PIK3C2A: variants seen among roughly 807,000 people sequenced by gnomAD.
PIK3C2A encodes phosphatidylinositol-4-phosphate 3-kinase catalytic subunit type 2 alpha, also known as phosphatidylinositol 4-phosphate 3-kinase C2 domain-containing subunit alpha.
Under a neutral mutation model 204.5 loss-of-function variants are expected in PIK3C2A, and 97 were observed. That is an observed-to-expected ratio of 0.47 (90% CI 0.40 to 0.56). The LOEUF is 0.56. Among genes scored for constraint, PIK3C2A ranks in the 20% least tolerant of loss-of-function variants. The pLI is 0.00. For synonymous variants in PIK3C2A, 653 were observed against 664.4 expected (o/e 0.98, Z 0.26); for missense variants, 1,735 against 1,969.2 (o/e 0.88, Z 2.25).
At chr11:17,174,369 C>CCT (rs771893426) in intron 1 of PIK3C2A, among the ~76,000 whole-genome samples, 1,923 of 72,980 alleles carry the variant, frequency 0.026, 14 homozygotes, top group East Asian at 0.035. Flanking sequence ...GGGCGGATCA[C>CCT]GAGGTCAGGA....
intron 1 of PIK3C2A, among the ~76,000 whole-genome samples, chr11:17,201,404 G>A (rs11825018): frequency 0.15 from 22,450 of 150,622 alleles, 2,695 homozygotes; most frequent in African/African-American, 0.33. Context: ...ACGTGTGCCT[G>A]TAATCCCAGC....
intron 24 of PIK3C2A, among the ~76,000 whole-genome samples, 155 bp from the exon 25 acceptor site, chr11:17,101,589 A>G (rs1012468947): frequency 6.6e-6 from 1 of 151,974 alleles, no homozygotes; most frequent in Non-Finnish European, 1.5e-5. Context: ...TTTTAAAATA[A>G]CATTTTTCTT....
intron 26 of PIK3C2A, among the ~76,000 whole-genome samples, chr11:17,098,346 A>G (rs768626091): frequency 4.6e-5 from 7 of 152,232 alleles, no homozygotes; most frequent in Non-Finnish European, 1.0e-4. Context: ...TGTCCGTCTA[A>G]GAAGAGATGA....
chr11:17,181,637 TATATATATATATATATATATATAC>T (rs1851563986), intron 1 of PIK3C2A, among the ~76,000 whole-genome samples: 1 of 3,014 alleles, frequency 3.3e-4, no homozygotes, highest in African/African-American at 4.7e-4. Flanking sequence ...TATATATATA[TATATATATATATATATATATATAC>T]ACACACACAC....
At chr11:17,090,647 G>A (rs1848281261) in intron 32 of PIK3C2A, among the ~76,000 whole-genome samples, 1 of 151,988 alleles carries the variant, frequency 6.6e-6, no homozygotes, top group Non-Finnish European at 1.5e-5. Flanking sequence ...GTCTATGAGG[G>A]CTCTATTTTA....
chr11:17,181,655 T>TACACAC (rs1851567427), intron 1 of PIK3C2A, among the ~76,000 whole-genome samples: 1 of 107,768 alleles, frequency 9.3e-6, no homozygotes, highest in East Asian at 3.4e-4. Context: ...TATATATATA[T>TACACAC]ATATACACAC....
In PIK3C2A at chr11:17,112,697, G is replaced by C. The variant is rs200530356; in HGVS notation, c.3322-31C>G. ...AATACAACATGTTAAGCATTAGAAA[G>C]ATAAATGAAAATGGATTTAGAATTT... is the stretch of plus-strand genomic sequence containing the variant. On this transcript the variant is annotated intron_variant, in intron 20 of 32. Transcript: ENST00000691414. 1.7e-4 allele frequency: 201 copies of C among 1,166,768 alleles called. 1 individual carries two copies. The highest frequency in any genetic ancestry group is 6.3e-4 in the Admixed American group (25 of 39,684). The allele number at this position is 1,166,768 out of a possible 1,614,324, so 72.3% of individuals were successfully genotyped here. A position where few individuals can be genotyped will look rare whatever the true frequency, so the allele number is the denominator to read the frequency against.
chr11:17,147,331 CTA>C (rs1427362490), intron 6 of PIK3C2A, among the ~76,000 whole-genome samples, 184 bp downstream of exon 6: 2 of 152,178 alleles, frequency 1.3e-5, no homozygotes, highest in Non-Finnish European at 2.9e-5. Context: ...CCTCTAAGGA[CTA>C]TGTTACCTAA....
At chr11:17,110,324 AAAC>A in intron 22 of PIK3C2A, 105 bp downstream of exon 22, 1 of 751,980 alleles carries the variant, frequency 1.3e-6, no homozygotes, top group Non-Finnish European at 2.1e-6. Flanking sequence ...TTAAAATAAG[AAAC>A]AACTGTGATA....
chr11:17,152,469 T>C (rs1375418710), intron 3 of PIK3C2A, among the ~76,000 whole-genome samples: 2 of 152,140 alleles, frequency 1.3e-5, no homozygotes, highest in South Asian at 2.1e-4. Flanking sequence ...CATTTAAACA[T>C]ACAAAATCAA....
chr11:17,180,410 T>G lies in PIK3C2A; in HGVS notation c.-65-10604A>C, dbSNP rs371442756. 3.4e-4 allele frequency among the ~76,000 whole-genome samples: 51 copies of G among 151,606 alleles called. 1 individual carries two copies. In the South Asian group the frequency reaches 0.01, roughly 31 times the overall value. ...AACAATAGAACCATAAAAATGTCAG[T>G]GAAAAGCAATAAACCAAGAAAAAAT... On this transcript the variant is annotated intron_variant, in intron 1 of 32. Coordinates refer to ENST00000691414, the MANE Select transcript of PIK3C2A (RefSeq NM_002645.4).
At chr11:17,162,095 G>A (rs184324219) in intron 2 of PIK3C2A, among the ~76,000 whole-genome samples, 143 of 152,246 alleles carry the variant, frequency 9.4e-4, no homozygotes, top group African/African-American at 3.0e-3. Context: ...CAGCACTTTG[G>A]GAGGCTGAGG....
rs11604561 is a variant in PIK3C2A, at chr11:17,097,140, T to C, written c.4243A>G (p.Thr1415Ala). 0.11 allele frequency: 178,525 copies of C among 1,608,210 alleles called. 10,584 individuals are homozygous for C. Among genetic ancestry groups the C allele is most frequent in the Middle Eastern group, 0.16 (964 of 6,048 alleles). ...CGACCATCTTGTCTAAAGGAGTATG[T>C]TTTAGGTGAAAATGAAAGGATGGGC... Reference protein sequence around the residue: ...DEPILSFSPKTYSFRQDGRIK... With the variant: ...DEPILSFSPKAYSFRQDGRIK... Residue 1415 changes from threonine to alanine, a missense_variant, in exon 27 of 33, where the codon ACA becomes GCA. Thr to Ala is a moderately conservative substitution (Grantham distance 58). Around this residue, in one of 6 missense-constraint regions of PIK3C2A, gnomAD observed 503 missense variants for 669.0 expected, o/e 0.75. Coordinates refer to ENST00000691414, the MANE Select transcript of PIK3C2A (RefSeq NM_002645.4).
chr11:17,121,421 A>C (rs536613876), intron 15 of PIK3C2A, among the ~76,000 whole-genome samples: 63 of 152,156 alleles, frequency 4.1e-4, no homozygotes, highest in Admixed American at 1.2e-3. Flanking sequence ...CCAGTCTCCG[A>C]ACAGTTTTTC....
intron 1 of PIK3C2A, among the ~76,000 whole-genome samples, chr11:17,207,583 G>A (rs1852630904): frequency 2.6e-5 from 4 of 152,144 alleles, no homozygotes; most frequent in South Asian, 2.1e-4. Flanking sequence ...CTCCGCTCCC[G>A]AGAAGAGGGG....
chr11:17,167,895 A>G (rs1590986210), intron 2 of PIK3C2A, among the ~76,000 whole-genome samples: 2 of 152,266 alleles, frequency 1.3e-5, no homozygotes, highest in South Asian at 4.1e-4. Context: ...TTAAAGGGAG[A>G]GTCCTTTAAA....
chr11:17,133,558 T>C (rs944724020), intron 11 of PIK3C2A, among the ~76,000 whole-genome samples: 2 of 152,190 alleles, frequency 1.3e-5, no homozygotes, highest in Admixed American at 6.5e-5. Flanking sequence ...GACTTTTTTA[T>C]AGCATTAAGC....
intron 1 of PIK3C2A, among the ~76,000 whole-genome samples, chr11:17,188,955 A>T (rs1295948800): frequency 6.8e-6 from 1 of 147,018 alleles, no homozygotes; most frequent in East Asian, 1.9e-4. Flanking sequence ...AAGAGCAGCA[A>T]GGCAGAGATC....
rs770204116 is a variant in PIK3C2A, at chr11:17,112,648, A to G, written c.3340T>C (p.Ser1114Pro). Residue 1114 changes from serine to proline, a missense_variant, in exon 21 of 33, where the codon TCT becomes CCT. Physicochemically the swap from Ser to Pro is moderately conservative, Grantham distance 74 (BLOSUM62 -1). This residue lies in a region of PIK3C2A where 567 missense variants were observed against 576.0 expected (regional missense o/e 0.98). Transcript: ENST00000691414. ...LNIKSCSFFS[S>P]NAVPLKVTMV... ...GTGACTTTTAGGGGGACAGCATTAG[A>G]ACTGAAGAAGGAACACGACTGCAAA... The G allele has an allele frequency of 3.9e-6, 6 of 1,523,178 alleles. No individual in the cohort carries two copies. The highest frequency in any genetic ancestry group is 5.3e-6 in the Non-Finnish European group (6 of 1,128,384). 94.4% of individuals were successfully genotyped at this position (1,523,178 alleles called of 1,614,324 possible). A position where few individuals can be genotyped will look rare whatever the true frequency, so the allele number is the denominator to read the frequency against.
Sources: allele counts gnomAD v4.1 joint callset (sites outside exome capture counted in the v4.1 genomes callset), GRCh38; gene constraint gnomAD v4.1.1; regional missense constraint gnomAD v4.1.1; transcripts MANE v1.5; gene names NCBI Gene and HGNC (gene_info 2026-07-23, HGNC 2026-07-21).